RERE: variants seen among roughly 807,000 people sequenced by gnomAD.
RERE encodes the protein arginine-glutamic acid dipeptide repeats protein.
A neutral mutation model predicts 146.1 loss-of-function variants in RERE; 40 were observed. The ratio of observed to expected loss-of-function variants is 0.27; its 90% CI spans 0.21 to 0.36. The LOEUF (loss-of-function observed/expected upper bound fraction) is 0.36. Ranked by LOEUF, RERE falls within the 10% of genes least tolerant of loss-of-function variation. The pLI is 1.00. For synonymous variants in RERE, 1,003 were observed against 866.0 expected (o/e 1.16, Z -2.78); for missense variants, 1,933 against 2,138.7 (o/e 0.90, Z 1.90).
chr1:8,684,872 CATTT>C (rs1185871543), intron 1 of RERE, among the ~76,000 whole-genome samples: 7 of 151,898 alleles, frequency 4.6e-5, no homozygotes, highest in Non-Finnish European at 7.4e-5. Context: ...TCATTCCATT[CATTT>C]GAGACAGGAT....
chr1:8,431,659 T>TAA (rs1464147696), intron 11 of RERE, among the ~76,000 whole-genome samples: 1 of 152,218 alleles, frequency 6.6e-6, no homozygotes, highest in Non-Finnish European at 1.5e-5. Context: ...TGTAGTCTTA[T>TAA]AAACACTGTT....
rs1178133997 is a variant in RERE at position 8,604,842 on chromosome 1, C to A, written c.522+9719G>T. ...CTGACCACACAACAATTTCTAAACC[C>A]TTCCACTACTACATAAAACATCTGC... On this transcript the variant is annotated intron_variant, in intron 4 of 22. Transcript: ENST00000400908. 5.3e-5 allele frequency among the ~76,000 whole-genome samples: 8 copies of A among 152,204 alleles called. 1 individual carries two copies. The highest frequency in any genetic ancestry group is 1.5e-5 in the Non-Finnish European group (1 of 68,032).
At chr1:8,537,341 A>G (rs1015501169) in intron 7 of RERE, among the ~76,000 whole-genome samples, 1 of 152,224 alleles carries the variant, frequency 6.6e-6, no homozygotes, top group Non-Finnish European at 1.5e-5. Flanking sequence ...TACAGCAAAT[A>G]TATCACAGCA....
chr1:8,487,081 A>AC (rs1029444731), intron 10 of RERE, among the ~76,000 whole-genome samples: 4 of 152,194 alleles, frequency 2.6e-5, no homozygotes, highest in African/African-American at 4.8e-5. Context: ...GTACGTAGTG[A>AC]CCAAGCAGGA....
intron 7 of RERE, among the ~76,000 whole-genome samples, chr1:8,520,129 A>G (rs1372904390): frequency 6.6e-6 from 1 of 152,264 alleles, no homozygotes; most frequent in African/African-American, 2.4e-5. Flanking sequence ...TACCACTTCC[A>G]TATTCACACA....
chr1:8,359,376 C>T (rs1042920632), intron 19 of RERE, among the ~76,000 whole-genome samples: 4 of 152,208 alleles, frequency 2.6e-5, no homozygotes, highest in African/African-American at 9.6e-5. Flanking sequence ...GCTGGAGAGG[C>T]CCCTCGCAGC....
rs1400310687 is a variant in RERE at position 8,686,623 on chromosome 1, G to A, written c.-144-30182C>T. 4.6e-5 allele frequency among the ~76,000 whole-genome samples: 7 copies of A among 152,154 alleles called. 1 individual carries two copies. The highest frequency in any genetic ancestry group is 4.6e-4 in the Admixed American group (7 of 15,266). On this transcript the variant is annotated intron_variant, in intron 1 of 22. Coordinates refer to ENST00000400908, the MANE Select transcript of RERE (RefSeq NM_001042681.2). Reference sequence around the variant, plus strand: ...AAATTAGCTGGGTGTGGTGGTGGGTGCCTGTAATCTCAGCTACTTGGGAGG... The same window carrying A: ...AAATTAGCTGGGTGTGGTGGTGGGTACCTGTAATCTCAGCTACTTGGGAGG...
At chr1:8,701,302 A>ACG (rs1639443001) in intron 1 of RERE, among the ~76,000 whole-genome samples, 1 of 86,514 alleles carries the variant, frequency 1.2e-5, no homozygotes, top group African/African-American at 6.3e-5. Flanking sequence ...ACACACACAC[A>ACG]CACACACACA....
chr1:8,477,359 C>T (rs1007545853), intron 10 of RERE, among the ~76,000 whole-genome samples: 1 of 152,206 alleles, frequency 6.6e-6, no homozygotes, highest in East Asian at 1.9e-4. Context: ...ATTCGTGAAC[C>T]TAGACTGTTT....
At chr1:8,592,207 T>C (rs1406357342) in intron 4 of RERE, among the ~76,000 whole-genome samples, 1 of 152,040 alleles carries the variant, frequency 6.6e-6, no homozygotes, top group Non-Finnish European at 1.5e-5. Flanking sequence ...ACTTCCACCC[T>C]AAATGCATTT....
intron 8 of RERE, among the ~76,000 whole-genome samples, chr1:8,498,768 C>CACACACAT (rs1282395845): frequency 7.2e-6 from 1 of 139,186 alleles, no homozygotes; most frequent in East Asian, 2.0e-4. Flanking sequence ...CACACACACA[C>CACACACAT]ATATGTAGTT....
At chr1:8,439,505 CA>C (rs1200177364) in intron 11 of RERE, among the ~76,000 whole-genome samples, 1 of 152,272 alleles carries the variant, frequency 6.6e-6, no homozygotes, top group East Asian at 1.9e-4. Context: ...ACAAACCAAT[CA>C]ATAACTACGA....
intron 11 of RERE, chr1:8,465,210 A>G (rs1644580116): frequency 6.5e-6 from 1 of 154,598 alleles, no homozygotes; most frequent in Non-Finnish European, 1.4e-5. Context: ...TGTCTGCTGG[A>G]TGGGAATCCA....
chr1:8,359,302 C>T (rs75047906), intron 19 of RERE, among the ~76,000 whole-genome samples: 5 of 152,162 alleles, frequency 3.3e-5, no homozygotes, highest in Admixed American at 6.5e-5. Flanking sequence ...TTCCTCCCCG[C>T]GACAGCAGAG....
chr1:8,796,010 A>T (rs1365184041), intron 1 of RERE, among the ~76,000 whole-genome samples: 1 of 151,100 alleles, frequency 6.6e-6, no homozygotes, highest in African/African-American at 2.4e-5. Context: ...AAAACAAAAC[A>T]GGAATTATGT....
At chr1:8,533,074 T>G (rs1050544054) in intron 7 of RERE, among the ~76,000 whole-genome samples, 1 of 152,196 alleles carries the variant, frequency 6.6e-6, no homozygotes, top group African/African-American at 2.4e-5. Flanking sequence ...AAAAAAATTA[T>G]CCAATGCAAA....
intron 4 of RERE, among the ~76,000 whole-genome samples, chr1:8,564,554 A>G (rs1646118610): frequency 6.6e-6 from 1 of 152,236 alleles, no homozygotes; most frequent in South Asian, 2.1e-4. Context: ...AATCAAAACT[A>G]AAGATAAGCT....
At chr1:8,785,229 C>G (rs1641238735) in intron 1 of RERE, among the ~76,000 whole-genome samples, 2 of 152,160 alleles carry the variant, frequency 1.3e-5, no homozygotes, top group African/African-American at 4.8e-5. Flanking sequence ...GAAAGGCAGT[C>G]AAGCATAGGA....
intron 11 of RERE, among the ~76,000 whole-genome samples, chr1:8,456,053 A>T (rs1644449546): frequency 6.6e-6 from 1 of 152,146 alleles, no homozygotes; most frequent in South Asian, 2.1e-4. Context: ...AAGAATAATC[A>T]CCACAGGCCT....
Sources: gnomAD v4.1 joint callset for allele counts (sites outside exome capture counted in the v4.1 genomes callset) on GRCh38, gnomAD v4.1.1 for gene constraint, MANE v1.5 for transcripts, NCBI Gene and HGNC (gene_info 2026-07-23, HGNC 2026-07-21) for gene names.